Variants in XKR9 observed in about 807,000 individuals in gnomAD.
The protein encoded by XKR9 is XK related 9.
XKR9 carries 32 observed loss-of-function variants against 32.0 expected under a neutral mutation model. That is an observed-to-expected ratio of 1.00 (90% CI 0.76 to 1.34). The LOEUF (loss-of-function observed/expected upper bound fraction) is 1.34, where lower values mean the gene tolerates loss of function less well. Among genes scored for constraint, XKR9 ranks in the 40% most tolerant of loss-of-function variants. XKR9 has a pLI of 0.00. For synonymous variants in XKR9, 168 were observed against 143.4 expected (o/e 1.17, Z -1.22); for missense variants, 546 against 429.7 (o/e 1.27, Z -2.39).
chr8:71,016,858 C>T, the XKR9 span, among the ~76,000 whole-genome samples: 4 of 151,358 alleles, frequency 2.6e-5, no homozygotes, highest in African/African-American at 9.7e-5. Flanking sequence ...TCTAGTCATA[C>T]AACCATTGAC....
intron 2 of XKR9, among the ~76,000 whole-genome samples, chr8:70,784,443 T>A (rs1807656782): frequency 6.6e-6 from 1 of 152,072 alleles, no homozygotes; most frequent in Non-Finnish European, 1.5e-5. Context: ...ATTTATTCCT[T>A]TTTTTGTACC....
chr8:70,930,500 G>A, the XKR9 span, among the ~76,000 whole-genome samples: 2 of 152,062 alleles, frequency 1.3e-5, no homozygotes, highest in African/African-American at 4.8e-5. Context: ...AGCAAAATTT[G>A]TTTAAAAAAG....
chr8:70,989,822 T>C, the XKR9 span, among the ~76,000 whole-genome samples: 4 of 152,346 alleles, frequency 2.6e-5, no homozygotes, highest in East Asian at 7.7e-4. Flanking sequence ...TCTGTATCCA[T>C]TAAGCAGTAA....
Position 70,734,245 on chromosome 8 carries a change from C to G in XKR9, c.943C>G (p.Pro315Ala), listed in dbSNP as rs746192962. Residue 315 changes from proline to alanine, a missense_variant, in exon 5 of 5, where the codon CCA (proline) becomes GCA (alanine). Pro to Ala is a conservative substitution (Grantham distance 27). Transcript: ENST00000408926. Reference sequence around the variant, plus strand: ...GGTTTGCCCCCTCACTATTTTTAATCCAGACTATTTTATACCTATCAGTAT... The same window carrying G: ...GGTTTGCCCCCTCACTATTTTTAATGCAGACTATTTTATACCTATCAGTAT... ...FWVCPLTIFN[P>A]DYFIPISITI... is the part of the protein sequence containing the mutation. 6.2e-7 allele frequency: 1 copy of G among 1,612,956 alleles called. No individual in the cohort carries two copies. Among genetic ancestry groups the G allele is most frequent in the East Asian group, 2.2e-5 (1 of 44,802 alleles).
chr8:70,897,049 C>A, the XKR9 span, among the ~76,000 whole-genome samples: 9 of 152,072 alleles, frequency 5.9e-5, no homozygotes, highest in Admixed American at 3.3e-4. Flanking sequence ...CCCTTCCCAG[C>A]CTGTTCTACC....
At chr8:70,800,982 GTTT>G in the XKR9 span, among the ~76,000 whole-genome samples, 1 of 127,170 alleles carries the variant, frequency 7.9e-6, no homozygotes, top group Non-Finnish European at 1.7e-5. Context: ...GGTCTCTAAG[GTTT>G]TTTTTTTTTT....
the XKR9 span, among the ~76,000 whole-genome samples, chr8:70,885,888 G>T: frequency 8.6e-5 from 13 of 151,624 alleles, no homozygotes; most frequent in Non-Finnish European, 1.3e-4. Flanking sequence ...GAGCCATTGC[G>T]CCCGGACTTT....
At chr8:70,949,934 G>T in the XKR9 span, among the ~76,000 whole-genome samples, 6 of 152,122 alleles carry the variant, frequency 3.9e-5, no homozygotes, top group African/African-American at 1.4e-4. Context: ...ATGAAGCTTT[G>T]AGAAGTTCAC....
intron 2 of XKR9, among the ~76,000 whole-genome samples, chr8:70,755,066 A>G (rs956581374): frequency 6.6e-6 from 1 of 152,196 alleles, no homozygotes; most frequent in African/African-American, 2.4e-5. Flanking sequence ...CAAATTTACA[A>G]GAAAAAAACA....
chr8:70,736,001 A>G (rs1806854378), downstream of XKR9: 1 of 152,126 alleles, frequency 6.6e-6, no homozygotes. Context: ...GCTGGGTCAA[A>G]TGGTATTTCT....
chr8:70,777,103 T>C (rs1807536316), intron 2 of XKR9, among the ~76,000 whole-genome samples: 1 of 151,600 alleles, frequency 6.6e-6, no homozygotes, highest in Admixed American at 6.6e-5. Flanking sequence ...GCTATCCCTC[T>C]CCCAGACCCC....
chr8:70,870,479 A>G, the XKR9 span, among the ~76,000 whole-genome samples: 1 of 152,178 alleles, frequency 6.6e-6, no homozygotes, highest in Non-Finnish European at 1.5e-5. Context: ...TATTGGTGGG[A>G]CTTTTTCTTT....
chr8:70,908,466 T>C, the XKR9 span, among the ~76,000 whole-genome samples: 1 of 152,328 alleles, frequency 6.6e-6, no homozygotes, highest in Non-Finnish European at 1.5e-5. Context: ...TGGGTTCCAC[T>C]GCCAGAGACC....
At chr8:71,005,794 G>A in the XKR9 span, among the ~76,000 whole-genome samples, 1 of 152,318 alleles carries the variant, frequency 6.6e-6, no homozygotes, top group Middle Eastern at 3.4e-3. Flanking sequence ...GAGATGACAA[G>A]GGCAGTGCAT....
chr8:70,718,831 A>G (rs969821844), intron 4 of XKR9, among the ~76,000 whole-genome samples: 7 of 152,174 alleles, frequency 4.6e-5, no homozygotes, highest in Admixed American at 2.6e-4. Context: ...TTGGGTATAT[A>G]CCCAGTAATG....
At chr8:70,843,972 G>A in the XKR9 span, among the ~76,000 whole-genome samples, 6 of 152,194 alleles carry the variant, frequency 3.9e-5, no homozygotes, top group East Asian at 1.9e-4. Flanking sequence ...GGAGGACTGC[G>A]GAAGCATGAT....
the XKR9 span, among the ~76,000 whole-genome samples, chr8:70,857,459 C>T: frequency 6.6e-6 from 1 of 151,984 alleles, no homozygotes; most frequent in African/African-American, 2.4e-5. Flanking sequence ...ATAGGAGGCT[C>T]TGAAATAAAG....
the XKR9 span, among the ~76,000 whole-genome samples, chr8:70,930,905 C>T: frequency 6.6e-6 from 1 of 152,168 alleles, no homozygotes; most frequent in South Asian, 2.1e-4. Flanking sequence ...AGAGCATCAC[C>T]ATCAGAACCT....
At chr8:70,729,590 G>C (rs1774507352) in intron 4 of XKR9, among the ~76,000 whole-genome samples, 1 of 151,950 alleles carries the variant, frequency 6.6e-6, no homozygotes. Context: ...ATTTAAAGAG[G>C]ATCAAAATAA....
Sources: allele counts gnomAD v4.1 joint callset (sites outside exome capture counted in the v4.1 genomes callset), GRCh38; gene constraint gnomAD v4.1.1; transcripts MANE v1.5; gene names NCBI Gene and HGNC (gene_info 2026-07-23, HGNC 2026-07-21).